HAPLN1: variants seen among roughly 807,000 people sequenced by gnomAD.
The protein encoded by HAPLN1 is Cartilage link protein.
In HAPLN1, 13 loss-of-function variants were observed where a neutral mutation model predicts 36.5. The ratio of observed to expected loss-of-function variants is 0.36; its 90% confidence interval spans 0.23 to 0.57. The LOEUF (loss-of-function observed/expected upper bound fraction) is 0.57, where lower values mean the gene tolerates loss of function less well. Ranked by LOEUF, HAPLN1 falls within the 20% of genes least tolerant of loss-of-function variation. HAPLN1 has a pLI of 0.83. For missense variants in HAPLN1, 407 were observed against 439.7 expected, an observed-to-expected ratio of 0.93 and a Z score of 0.66; for synonymous variants, 202 against 169.8, an observed-to-expected ratio of 1.19 and a Z score of -1.48.
intron 2 of HAPLN1, among the ~76,000 whole-genome samples, chr5:83,671,661 G>A (rs2081192099): frequency 6.6e-6 from 1 of 152,126 alleles, no homozygotes; most frequent in African/African-American, 2.4e-5. Flanking sequence ...CAAAAAAATT[G>A]TTGGGAAAAA....
At chr5:83,716,508 T>A (rs1258351699) in intron 1 of HAPLN1, among the ~76,000 whole-genome samples, 1 of 152,192 alleles carries the variant, frequency 6.6e-6, no homozygotes, top group East Asian at 1.9e-4. Flanking sequence ...CAACATTTGA[T>A]ACTTAAATTC....
Position 83,644,589 on chromosome 5 carries a change from G to A in HAPLN1, c.549C>T (p.Asp183=). ...CGAAGGAGGCGATCACAGCATCCTGGTCCAGACACGCCTGCTGCGCCTCGT... is the reference window on the plus strand; with the variant it reads ...CGAAGGAGGCGATCACAGCATCCTGATCCAGACACGCCTGCTGCGCCTCGT... The part of the protein sequence containing the change: ...NFHEAQQACL[D]QDAVIASFDQ... The change falls in exon 4 of 5, where the codon GAC becomes GAT. Residue 183 remains aspartate (D), a synonymous_variant. Transcript: ENST00000274341. 2 of 1,573,474 alleles carry A rather than the reference G, an allele frequency of 1.3e-6. No homozygotes were observed. The highest frequency in any genetic ancestry group is 1.7e-6 in the Non-Finnish European group (2 of 1,159,706).
chr5:83,688,380 T>C (rs544584192), intron 1 of HAPLN1, among the ~76,000 whole-genome samples: 1 of 152,302 alleles, frequency 6.6e-6, no homozygotes, highest in South Asian at 2.1e-4. Flanking sequence ...TGCCATTCTC[T>C]ATTTAGTTCT....
chr5:83,643,123 A>T (rs1749752244), intron 4 of HAPLN1, among the ~76,000 whole-genome samples: 1 of 152,090 alleles, frequency 6.6e-6, no homozygotes, highest in African/African-American at 2.4e-5. Context: ...CAGGAGTTGG[A>T]GACCAGCCTG....
In HAPLN1 at chr5:83,641,524, C is replaced by G. The variant is rs1749693179; in HGVS notation, c.1037G>C (p.Gly346Ala). ...GFPDKKHKLY[G>A]VYCFRAYN Reference sequence around the variant, plus strand: ...GTTGTATGCTCTGAAGCAGTAGACACCATACAGCTTATGCTTTTTATCTGG... The same window carrying G: ...GTTGTATGCTCTGAAGCAGTAGACAGCATACAGCTTATGCTTTTTATCTGG... Residue 346 changes from glycine (G) to alanine (A), a missense_variant, in exon 5 of 5, where the codon GGT becomes GCT. Gly to Ala is a moderately conservative substitution (Grantham distance 60, BLOSUM62 0). Transcript: ENST00000274341. 1 of 1,612,982 alleles carries G rather than the reference C, an allele frequency of 6.2e-7. No homozygotes were observed. Among genetic ancestry groups the G allele is most frequent in the Admixed American group, 1.7e-5 (1 of 59,962 alleles).
At chr5:83,648,071 G>A (rs1749925001) in intron 3 of HAPLN1, among the ~76,000 whole-genome samples, 1 of 151,942 alleles carries the variant, frequency 6.6e-6, no homozygotes, top group African/African-American at 2.4e-5. Flanking sequence ...CAATTGAATT[G>A]CTGATTCTGT....
chr5:83,718,777 A>G (rs528030796), intron 1 of HAPLN1, among the ~76,000 whole-genome samples: 1 of 152,348 alleles, frequency 6.6e-6, no homozygotes, highest in African/African-American at 2.4e-5. Context: ...AGAGATCATG[A>G]TCTTAAAAAT....
intron 3 of HAPLN1, among the ~76,000 whole-genome samples, chr5:83,651,179 A>G (rs981384801): frequency 1.3e-5 from 2 of 152,200 alleles, no homozygotes; most frequent in Non-Finnish European, 2.9e-5. Context: ...ATGTAACAAC[A>G]GATAATAGAA....
At chr5:83,687,139 G>GAAATC (rs1259873980) in intron 1 of HAPLN1, among the ~76,000 whole-genome samples, 1 of 152,108 alleles carries the variant, frequency 6.6e-6, no homozygotes, top group Non-Finnish European at 1.5e-5. Context: ...AAATCCACAG[G>GAAATC]AAATCAGGAA....
chr5:83,673,593 C>A, intron 1 of HAPLN1, 44 bp from the exon 2 acceptor site: 1 of 1,141,460 alleles, frequency 8.8e-7, no homozygotes, highest in Non-Finnish European at 1.3e-6. Context: ...GATTTGGAAC[C>A]CTTTGGAGTG....
At chr5:83,717,195 TC>T (rs1751935533) in intron 1 of HAPLN1, among the ~76,000 whole-genome samples, 1 of 152,232 alleles carries the variant, frequency 6.6e-6, no homozygotes, top group African/African-American at 2.4e-5. Flanking sequence ...TGTGTTTTTT[TC>T]CTGGTAGATA....
intron 1 of HAPLN1, among the ~76,000 whole-genome samples, chr5:83,701,958 A>AC (rs1491232142): frequency 1.7e-4 from 25 of 148,690 alleles, no homozygotes; most frequent in African/African-American, 4.2e-4. Context: ...ACACACACAC[A>AC]AAATCTATAT....
At chr5:83,645,987 T>C (rs1749864915) in intron 3 of HAPLN1, among the ~76,000 whole-genome samples, 1 of 152,192 alleles carries the variant, frequency 6.6e-6, no homozygotes, top group Non-Finnish European at 1.5e-5. Context: ...AGGACAAAAG[T>C]TCCTTAGCAA....
rs181544089 is a variant in HAPLN1 at position 83,697,350 on chromosome 5, C to T, written c.-27+23439G>A. ...TAGCGTAATGTTTTCAATGTTCATT[C>T]TGTAGCAAGTATCAGTACTTCATTC... is the stretch of plus-strand genomic sequence containing the variant. On this transcript the variant is annotated intron_variant, in intron 1 of 4. Coordinates refer to ENST00000274341, the MANE Select transcript of HAPLN1 (RefSeq NM_001884.4). Among the ~76,000 whole-genome samples the T allele has an allele frequency of 7.6e-4, 116 of 152,192 alleles. 1 individual carries two copies. In the East Asian group the frequency reaches 0.022, roughly 28 times the overall value.
chr5:83,678,710 T>C (rs1353105511), intron 1 of HAPLN1, among the ~76,000 whole-genome samples: 2 of 151,792 alleles, frequency 1.3e-5, no homozygotes, highest in African/African-American at 4.8e-5. Flanking sequence ...AGGAAGAAGA[T>C]ATGAGGGGAT....
At chr5:83,708,640 A>G (rs1443544553) in intron 1 of HAPLN1, among the ~76,000 whole-genome samples, 1 of 152,172 alleles carries the variant, frequency 6.6e-6, no homozygotes, top group Non-Finnish European at 1.5e-5. Context: ...TGATGAAATA[A>G]TCTGTACAAC....
chr5:83,669,387 T>C, intron 2 of HAPLN1, among the ~76,000 whole-genome samples: 1 of 152,064 alleles, frequency 6.6e-6, no homozygotes, highest in East Asian at 1.9e-4. Flanking sequence ...TAATCCCAGC[T>C]ACTTAGGAGG....
In HAPLN1 at chr5:83,673,422, A is replaced by G. The variant is rs773738875; in HGVS notation, c.100+2T>C. Reference sequence around the variant, plus strand: ...TTGATAAGAGAAGCTGTGTTTCCTTACCTTGGATGTGAATAGCTCTGTCAT... The same window carrying G: ...TTGATAAGAGAAGCTGTGTTTCCTTGCCTTGGATGTGAATAGCTCTGTCAT... On this transcript the variant is annotated splice_donor_variant, in intron 2 of 4. Coordinates refer to ENST00000274341, the MANE Select transcript of HAPLN1 (RefSeq NM_001884.4). LOFTEE classifies it high-confidence loss of function. 7.0e-6 allele frequency: 11 copies of G among 1,574,502 alleles called. No individual in the cohort carries two copies. The Admixed American group carries it at 7.6e-5, about 11-fold the overall frequency.
chr5:83,686,920 G>A (rs917549803), intron 1 of HAPLN1, among the ~76,000 whole-genome samples: 1 of 151,882 alleles, frequency 6.6e-6, no homozygotes, highest in African/African-American at 2.4e-5. Flanking sequence ...TGAATTTCAA[G>A]GAAAGAATTT....
Sources: gnomAD v4.1 joint callset for allele counts (sites outside exome capture counted in the v4.1 genomes callset) on GRCh38, gnomAD v4.1.1 for gene constraint, MANE v1.5 for transcripts, NCBI Gene and HGNC (gene_info 2026-07-23, HGNC 2026-07-21) for gene names.